FOXP4: variants seen among roughly 807,000 people sequenced by gnomAD.
The protein encoded by FOXP4 is forkhead box protein P4.
Under a neutral mutation model 82.6 loss-of-function variants are expected in FOXP4, and 25 were observed. The ratio of observed to expected loss-of-function variants is 0.30; its 90% CI spans 0.22 to 0.42. The LOEUF (loss-of-function observed/expected upper bound fraction) is 0.42, where lower values mean the gene tolerates loss of function less well. FOXP4 is among the 10% of genes least tolerant of loss of function. The probability of loss-of-function intolerance (pLI) is 1.00; values close to 1 mark genes in which losing one functional copy is unlikely to be tolerated. For missense variants in FOXP4, 785 were observed against 900.9 expected (o/e 0.87, Z 1.65); for synonymous variants, 415 against 388.2 (o/e 1.07, Z -0.81).
rs768002278 is a variant in FOXP4 at position 41,587,493 on chromosome 6, C to T, written c.853C>T (p.Leu285Phe). ...HTLPNGQPTV[L>F]TSRRDSSSHE... ...CCTGCCCAACGGACAGCCTACTGTG[C>T]TCACATCTCGGAGAGACAGGTACAG... The change falls in exon 7 of 17, where the codon CTC becomes TTC. Residue 285 changes from leucine (L) to phenylalanine (F), a missense_variant. Around this residue, in one of 3 missense-constraint regions of FOXP4, gnomAD observed 570 missense variants for 634.0 expected, o/e 0.90. Transcript: ENST00000307972. 7.2e-6 allele frequency: 11 copies of T among 1,525,464 alleles called. No individual in the cohort carries two copies. Among genetic ancestry groups the T allele is most frequent in the African/African-American group, 1.4e-5 (1 of 72,164 alleles). The allele number at this position is 1,525,464 out of a possible 1,614,324, so 94.5% of individuals were successfully genotyped here. A position where few individuals can be genotyped will look rare whatever the true frequency, so the allele number is the denominator to read the frequency against.
chr6:41,580,143 G>A (rs959188811), intron 3 of FOXP4, among the ~76,000 whole-genome samples: 1 of 150,716 alleles, frequency 6.6e-6, no homozygotes, highest in Non-Finnish European at 1.5e-5. Flanking sequence ...CCGGGTTCAA[G>A]CAGTTTTCCT....
rs531128664 is a variant in FOXP4 at position 41,602,289 on chromosome 6, C to T, written c.*3353C>T. On this transcript the variant is annotated 3_prime_UTR_variant, in exon 17 of 17. Coordinates refer to ENST00000307972, the MANE Select transcript of FOXP4 (RefSeq NM_001012426.2). Reference sequence around the variant, plus strand: ...TTGTAATCTGCCCCTCCCAGCCCTCCGTGGAGGCTGCCAGGGCCTTGTACG... The same window carrying T: ...TTGTAATCTGCCCCTCCCAGCCCTCTGTGGAGGCTGCCAGGGCCTTGTACG... 2 of 152,216 alleles carry T rather than the reference C, an allele frequency of 1.3e-5. No individual in the cohort carries two copies. The highest frequency in any genetic ancestry group is 1.3e-4 in the Admixed American group (2 of 15,280). 9.4% of individuals were successfully genotyped at this position (152,216 alleles called of 1,614,324 possible). A position where few individuals can be genotyped will look rare whatever the true frequency, so the allele number is the denominator to read the frequency against.
At chr6:41,586,422 G>A (rs1479083256) in intron 5 of FOXP4, among the ~76,000 whole-genome samples, 1 of 152,180 alleles carries the variant, frequency 6.6e-6, no homozygotes, top group African/African-American at 2.4e-5. Flanking sequence ...AATGGGTGGG[G>A]GTAGGTAGAG....
chr6:41,597,921 C>A lies in FOXP4; in HGVS notation c.1866C>A (p.Ser622Arg). Residue 622 changes from serine (S) to arginine (R), a missense_variant, in exon 16 of 17, where the codon AGC (serine) becomes AGA (arginine). Around this residue, in one of 3 missense-constraint regions of FOXP4, gnomAD observed 184 missense variants for 187.3 expected, o/e 0.98. Transcript: ENST00000307972. ...CGCTGCCCAGCAACGGCAGCAGCAGCCCTCCTCGCCTCTCCCCGCCCCAGT... is the reference window on the plus strand; with the variant it reads ...CGCTGCCCAGCAACGGCAGCAGCAGACCTCCTCGCCTCTCCCCGCCCCAGT... ...VEPLPSNGSS[S>R]PPRLSPPQYS... 6.4e-7 allele frequency: 1 copy of A among 1,568,360 alleles called. No individual in the cohort carries two copies.
intron 1 of FOXP4, among the ~76,000 whole-genome samples, chr6:41,563,744 T>C (rs2127345666): frequency 6.6e-6 from 1 of 152,338 alleles, no homozygotes; most frequent in South Asian, 2.1e-4. Flanking sequence ...TCAAAAGACT[T>C]GGAGGCTGGG....
intron 3 of FOXP4, 84 bp downstream of exon 3, chr6:41,578,165 A>G: frequency 8.5e-7 from 1 of 1,182,768 alleles, no homozygotes; most frequent in African/African-American, 1.5e-5. Context: ...CCGTTGGAGA[A>G]CTGCTCTTGC....
At chr6:41,596,288 G>C (rs9369295) in intron 14 of FOXP4, among the ~76,000 whole-genome samples, 58,811 of 152,094 alleles carry the variant, frequency 0.39, 11,980 homozygotes, top group African/African-American at 0.51. Context: ...GCCTTCTCCC[G>C]ACCTCAAACA....
Position 41,591,106 on chromosome 6 carries a change from C to T in FOXP4, c.1435-115C>T. ...ATCCACACATTTCTGAGCAGGTCTT[C>T]TCACAAAGTGAACTCGGGGCTAGGC... On this transcript the variant is annotated intron_variant, in intron 12 of 16. Transcript: ENST00000307972. This position sits in a 1 kb window ranked among gnomAD's most constrained non-coding sequence, Gnocchi z 4.2. 1 of 821,724 alleles carries T rather than the reference C, an allele frequency of 1.2e-6. No homozygotes were observed. Among genetic ancestry groups the T allele is most frequent in the Non-Finnish European group, 2.0e-6 (1 of 497,570 alleles). The allele number at this position is 821,724 out of a possible 1,614,324, so 50.9% of individuals were successfully genotyped here.
intron 10 of FOXP4, 47 bp from the exon 11 acceptor site, chr6:41,589,916 C>T (rs202088344): frequency 3.1e-6 from 5 of 1,610,130 alleles, no homozygotes; most frequent in East Asian, 4.5e-5. Context: ...AGCCTCGGGA[C>T]CCCCACCCTC....
chr6:41,597,341 G>A, intron 15 of FOXP4, 99 bp downstream of exon 15: 1 of 1,287,782 alleles, frequency 7.8e-7, no homozygotes, highest in Non-Finnish European at 1.1e-6. Flanking sequence ...CTCACCAGAG[G>A]AGGGAAGGAG....
At chr6:41,583,618 T>C (rs1765928178) in intron 3 of FOXP4, among the ~76,000 whole-genome samples, 1 of 152,152 alleles carries the variant, frequency 6.6e-6, no homozygotes, top group Non-Finnish European at 1.5e-5. Context: ...CTGCCACAAC[T>C]TGGGAGTGAG....
Position 41,588,717 on chromosome 6 carries a change from C to G in FOXP4, c.1051C>G (p.Gln351Glu). 1 of 1,613,740 alleles carries G rather than the reference C, an allele frequency of 6.2e-7. No homozygotes were observed. The highest frequency in any genetic ancestry group is 8.5e-7 in the Non-Finnish European group (1 of 1,180,016). The change falls in exon 9 of 17, where the codon CAG (glutamine) becomes GAG (glutamate). Residue 351 changes from glutamine to glutamate, a missense_variant. Gln to Glu is a conservative substitution (Grantham distance 29). Around this residue, in one of 3 missense-constraint regions of FOXP4, gnomAD observed 570 missense variants for 634.0 expected, o/e 0.90. Transcript: ENST00000307972. ...CCGGGTACAGATGCAGGTGGTGCAG[C>G]AGCTGGAGATCCAGGTGTGGCCCGG... is the stretch of plus-strand genomic sequence containing the variant. ...QCRVQMQVVQ[Q>E]LEIQLAKESE...
chr6:41,550,229 A>G (rs1181559220), intron 1 of FOXP4, among the ~76,000 whole-genome samples: 1 of 152,216 alleles, frequency 6.6e-6, no homozygotes, highest in Non-Finnish European at 1.5e-5. Flanking sequence ...GGAGAACTTA[A>G]TTAAGCTCTT....
At chr6:41,560,690 T>C (rs1764523111) in intron 1 of FOXP4, among the ~76,000 whole-genome samples, 1 of 152,228 alleles carries the variant, frequency 6.6e-6, no homozygotes, top group Non-Finnish European at 1.5e-5. Context: ...CCTGGTATTG[T>C]GCCTGTTTGG....
chr6:41,554,936 C>CT (rs1476508120), intron 1 of FOXP4, among the ~76,000 whole-genome samples: 1 of 151,590 alleles, frequency 6.6e-6, no homozygotes, highest in African/African-American at 2.4e-5. Flanking sequence ...TGACCCAAAT[C>CT]TAATTCCCAC....
chr6:41,577,398 T>C (rs147063682), intron 2 of FOXP4, among the ~76,000 whole-genome samples: 7 of 152,306 alleles, frequency 4.6e-5, no homozygotes, highest in Non-Finnish European at 8.8e-5. Flanking sequence ...CCACAGTGAA[T>C]GCTACTTTTT....
At chr6:41,592,294 C>T (rs1357508943) in intron 13 of FOXP4, among the ~76,000 whole-genome samples, 2 of 152,218 alleles carry the variant, frequency 1.3e-5, no homozygotes, top group Non-Finnish European at 2.9e-5. Flanking sequence ...CAGTGCCTGC[C>T]TACCCTTTGC....
rs564890846 is a variant in FOXP4, at chr6:41,594,212, TCTC to T, written c.1537-654_1537-652del. ...CAGACAAGGTGACTTATCTTCTTTCTCTCCTCTTTCTGCCTCTGGGTTGTCAAC... is the reference window on the plus strand; with the variant it reads ...CAGACAAGGTGACTTATCTTCTTTCTCTCTTTCTGCCTCTGGGTTGTCAAC... On this transcript the variant is annotated intron_variant, in intron 13 of 16. Transcript: ENST00000307972. Among the ~76,000 whole-genome samples the T allele has an allele frequency of 1.5e-3, 228 of 152,320 alleles. 2 individuals carry two copies. Among genetic ancestry groups the T allele is most frequent in the Admixed American group, 3.7e-3 (57 of 15,310 alleles).
intron 16 of FOXP4, among the ~76,000 whole-genome samples, chr6:41,598,216 CTTT>C (rs571791132): frequency 2.3e-5 from 3 of 131,860 alleles, no homozygotes; most frequent in Non-Finnish European, 3.3e-5. Context: ...CCTCTCTTCT[CTTT>C]TTTTTTTTTT....
Sources: gnomAD v4.1 joint callset for allele counts (sites outside exome capture counted in the v4.1 genomes callset) on GRCh38, gnomAD v4.1.1 for gene constraint, gnomAD v4.1.1 regional missense constraint, Gnocchi (gnomAD v3.1) non-coding constraint, MANE v1.5 for transcripts, NCBI Gene and HGNC (gene_info 2026-07-23, HGNC 2026-07-21) for gene names.